The following ATRNL1 variants were observed in gnomAD, a reference collection of about 807,000 sequenced individuals.
ATRNL1 encodes the protein attractin like 1.
Under a neutral mutation model 182.7 loss-of-function variants are expected in ATRNL1, and 95 were observed. The ratio of observed to expected loss-of-function variants is 0.52; its 90% confidence interval spans 0.44 to 0.62. The LOEUF is 0.62. Among genes scored for constraint, ATRNL1 ranks in the 20% least tolerant of loss-of-function variants. ATRNL1 has a pLI of 0.00. For synonymous variants in ATRNL1, 576 were observed against 568.3 expected (o/e 1.01, Z -0.19); for missense variants, 1,471 against 1,679.5 (o/e 0.88, Z 2.17).
At chr10:115,098,453 CTTTTTT>C (rs71010006) in intron 1 of ATRNL1, among the ~76,000 whole-genome samples, 7 of 80,752 alleles carry the variant, frequency 8.7e-5, no homozygotes, top group African/African-American at 2.5e-4. Flanking sequence ...ATACTAGTTT[CTTTTTT>C]TTTTTTTTTT....
In ATRNL1 at chr10:115,134,802, C is replaced by T. The variant is rs371907711; in HGVS notation, c.829+5267C>T. ...AAATCCTCAATAAAATCCTGGCAAACCGAATCCAGCAACACATCAAAAAGC... is the reference window on the plus strand; with the variant it reads ...AAATCCTCAATAAAATCCTGGCAAATCGAATCCAGCAACACATCAAAAAGC... On this transcript the variant is annotated intron_variant, in intron 5 of 28. Coordinates refer to ENST00000355044, the MANE Select transcript of ATRNL1 (RefSeq NM_207303.4). Among the ~76,000 whole-genome samples, 121 of 152,274 alleles carry T rather than the reference C, an allele frequency of 7.9e-4. 2 individuals are homozygous for T. In the South Asian group the frequency reaches 0.024, roughly 31 times the overall value.
intron 1 of ATRNL1, among the ~76,000 whole-genome samples, chr10:115,111,727 G>C (rs1844264997): frequency 6.6e-6 from 1 of 152,146 alleles, no homozygotes; most frequent in Admixed American, 6.6e-5. Context: ...GTAAGGTTTG[G>C]AGGAGTCATA....
rs1324231772 is a variant in ATRNL1, at chr10:115,827,821, G to C, written c.3904-20056G>C. ...GACTCAGTGAGCATGAAATAGACTA[G>C]CCTTAAGCAGTGGTCACAATGAAAT... On this transcript the variant is annotated intron_variant, in intron 27 of 28. Transcript: ENST00000355044. Among the ~76,000 whole-genome samples, 3 of 152,104 alleles carry C rather than the reference G, an allele frequency of 2.0e-5. No individual in the cohort carries two copies. The East Asian group carries it at 5.8e-4, about 29-fold the overall frequency.
At chr10:115,528,712 A>G (rs1851390760) in intron 25 of ATRNL1, among the ~76,000 whole-genome samples, 1 of 151,980 alleles carries the variant, frequency 6.6e-6, no homozygotes, top group African/African-American at 2.4e-5. Flanking sequence ...CAAGTTGTAA[A>G]GTTAAGTTGC....
intron 27 of ATRNL1, among the ~76,000 whole-genome samples, chr10:115,743,941 C>G (rs1948216270): frequency 6.6e-6 from 1 of 150,554 alleles, no homozygotes; most frequent in African/African-American, 2.4e-5. Flanking sequence ...ATATTGTACA[C>G]ATCTACACAT....
chr10:115,864,567 T>G (rs1003734124), intron 28 of ATRNL1, among the ~76,000 whole-genome samples: 3 of 152,194 alleles, frequency 2.0e-5, no homozygotes, highest in Admixed American at 2.0e-4. Context: ...ATCCAAATGA[T>G]CAAGGTCAAT....
chr10:115,722,808 T>G (rs148580217), intron 26 of ATRNL1, among the ~76,000 whole-genome samples: 48 of 152,284 alleles, frequency 3.2e-4, no homozygotes, highest in African/African-American at 1.1e-3. Flanking sequence ...TGAGGAACAA[T>G]ATGAAATCTG....
chr10:115,268,293 G>T (rs781851405), intron 12 of ATRNL1, 33 bp from the exon 13 acceptor site: 2 of 1,215,962 alleles, frequency 1.6e-6, no homozygotes, highest in Non-Finnish European at 2.4e-6. Flanking sequence ...TTTCTTTTCC[G>T]TGCTGATATA....
At chr10:115,163,683 A>G (rs1315158610) in intron 6 of ATRNL1, among the ~76,000 whole-genome samples, 2 of 152,210 alleles carry the variant, frequency 1.3e-5, no homozygotes, top group South Asian at 2.1e-4. Context: ...TGTACTTTTA[A>G]TGGGCTGTAA....
chr10:115,641,574 A>G (rs1182599394), intron 26 of ATRNL1, among the ~76,000 whole-genome samples: 1 of 152,188 alleles, frequency 6.6e-6, no homozygotes, highest in Non-Finnish European at 1.5e-5. Context: ...ACTAGACTCC[A>G]CAGATAGAGG....
intron 17 of ATRNL1, among the ~76,000 whole-genome samples, chr10:115,307,868 G>T (rs1252903624): frequency 1.3e-5 from 2 of 152,094 alleles, no homozygotes; most frequent in Non-Finnish European, 2.9e-5. Context: ...CTTGGCAATG[G>T]TTTTAGTGTG....
intron 27 of ATRNL1, among the ~76,000 whole-genome samples, chr10:115,802,894 C>A (rs1171505683): frequency 6.6e-6 from 1 of 152,082 alleles, no homozygotes; most frequent in African/African-American, 2.4e-5. Context: ...TTTACATGTC[C>A]TTTTAGGAAG....
At chr10:115,578,328 T>C (rs1555006081) in intron 26 of ATRNL1, among the ~76,000 whole-genome samples, 1 of 151,806 alleles carries the variant, frequency 6.6e-6, no homozygotes, top group Admixed American at 6.6e-5. Context: ...GAATTACGGA[T>C]ATTAATTCTT....
intron 24 of ATRNL1, among the ~76,000 whole-genome samples, chr10:115,497,860 G>A (rs181880640): frequency 0.019 from 2,846 of 152,156 alleles, 103 homozygotes; most frequent in African/African-American, 0.066. Context: ...GTTTCGCCAT[G>A]TTGTCCAGGA....
At position 115,319,879 on chromosome 10, in the gene ATRNL1, T is replaced by C. The variant is rs181346157; in HGVS notation, c.3037+4143T>C. Among the ~76,000 whole-genome samples the C allele has an allele frequency of 8.4e-4, 128 of 152,282 alleles. 1 individual carries two copies. Among genetic ancestry groups the C allele is most frequent in the Non-Finnish European group, 2.9e-4 (20 of 68,024 alleles). On this transcript the variant is annotated intron_variant, in intron 18 of 28. Transcript: ENST00000355044. ...GTCTGTGTCTTTTAATTGGGGGATT[T>C]AGCCCATTTACATTTAAGGTTAATA...
At position 115,436,310 on chromosome 10, in the gene ATRNL1, A is replaced by G. The variant is rs7095495; in HGVS notation, c.3322+10008A>G. Among the ~76,000 whole-genome samples, 695 of 152,298 alleles carry G rather than the reference A, an allele frequency of 4.6e-3. 4 individuals carry two copies. Among genetic ancestry groups the G allele is most frequent in the African/African-American group, 0.016 (657 of 41,586 alleles). Reference sequence around the variant, plus strand: ...GCTTCTGAATAGGTCATGGCATATTATTAAAAATCCCATAAATTAGAAAAA... The same window carrying G: ...GCTTCTGAATAGGTCATGGCATATTGTTAAAAATCCCATAAATTAGAAAAA... On this transcript the variant is annotated intron_variant, in intron 21 of 28. Coordinates refer to ENST00000355044, the MANE Select transcript of ATRNL1 (RefSeq NM_207303.4).
At chr10:115,167,054 G>C (rs1181554228) in intron 7 of ATRNL1, among the ~76,000 whole-genome samples, 1 of 151,726 alleles carries the variant, frequency 6.6e-6, no homozygotes, top group Non-Finnish European at 1.5e-5. Context: ...TTAAGTTTTT[G>C]TTGCATTTTG....
intron 6 of ATRNL1, among the ~76,000 whole-genome samples, chr10:115,163,324 TC>T (rs1283035647): frequency 6.6e-6 from 1 of 151,600 alleles, no homozygotes; most frequent in Non-Finnish European, 1.5e-5. Flanking sequence ...TTTTATTTTT[TC>T]TTTTATTTCT....
At chr10:115,389,562 A>ATG (rs1564989988) in intron 19 of ATRNL1, among the ~76,000 whole-genome samples, 84 of 107,078 alleles carry the variant, frequency 7.8e-4, no homozygotes, top group Non-Finnish European at 1.4e-3. Context: ...ATATATATAT[A>ATG]TATATATATA....
Sources: allele counts gnomAD v4.1 joint callset (sites outside exome capture counted in the v4.1 genomes callset), GRCh38; gene constraint gnomAD v4.1.1; transcripts MANE v1.5; gene names NCBI Gene and HGNC (gene_info 2026-07-23, HGNC 2026-07-21).